DDX43: variants seen among roughly 807,000 people sequenced by gnomAD.
DDX43 encodes the protein DEAD-box helicase 43.
A neutral mutation model predicts 84.9 loss-of-function variants in DDX43; 50 were observed. The ratio of observed to expected loss-of-function variants is 0.59; its 90% CI spans 0.47 to 0.75. DDX43 has a LOEUF of 0.75. Ranked by LOEUF, DDX43 falls within the 30% of genes least tolerant of loss-of-function variation. The pLI, the probability that DDX43 is intolerant of heterozygous loss-of-function variation, is 0.00. For synonymous variants in DDX43, 291 were observed against 266.3 expected (o/e 1.09, Z -0.90); for missense variants, 689 against 798.6 (o/e 0.86, Z 1.65).
Position 73,412,066 on chromosome 6 carries a change from A to T in DDX43, c.1281-139A>T, listed in dbSNP as rs1769793538. On this transcript the variant is annotated intron_variant, in intron 10 of 16. Transcript: ENST00000370336. Reference sequence around the variant, plus strand: ...ACAGTAGTTGAGTAATTAGTGAATTAACTGTTAAATTTGCCTTACTTATTG... The same window carrying T: ...ACAGTAGTTGAGTAATTAGTGAATTTACTGTTAAATTTGCCTTACTTATTG... 7.3e-5 allele frequency: 47 copies of T among 641,148 alleles called. 1 individual carries two copies. The South Asian group carries it at 8.2e-4, about 11-fold the overall frequency. 39.7% of individuals were successfully genotyped at this position (641,148 alleles called of 1,614,324 possible). A position where few individuals can be genotyped will look rare whatever the true frequency, so the allele number is the denominator to read the frequency against.
At chr6:73,404,326 C>T (rs890798604) in intron 4 of DDX43, among the ~76,000 whole-genome samples, 17 of 152,166 alleles carry the variant, frequency 1.1e-4, no homozygotes, top group Non-Finnish European at 2.2e-4. Context: ...CTCCTGACCT[C>T]AGGTGATCCA....
intron 10 of DDX43, among the ~76,000 whole-genome samples, chr6:73,410,301 G>A (rs1027464007): frequency 1.3e-5 from 2 of 152,004 alleles, no homozygotes; most frequent in Admixed American, 6.6e-5. Context: ...TGAGTAGCTG[G>A]GACTACAGGC....
intron 10 of DDX43, among the ~76,000 whole-genome samples, chr6:73,410,982 CGA>C (rs2150798852): frequency 6.6e-6 from 1 of 151,908 alleles, no homozygotes; most frequent in African/African-American, 2.4e-5. Context: ...GTCAGGAGAT[CGA>C]GACCATCCTG....
intron 16 of DDX43, among the ~76,000 whole-genome samples, chr6:73,416,903 G>A (rs1490624175): frequency 1.3e-5 from 2 of 152,160 alleles, no homozygotes; most frequent in African/African-American, 4.8e-5. Flanking sequence ...GCCAGGCATG[G>A]TGGCGCCAAC....
chr6:73,414,409 T>C (rs955103938), intron 13 of DDX43, 139 bp from the exon 14 acceptor site: 3 of 811,096 alleles, frequency 3.7e-6, no homozygotes, highest in African/African-American at 1.7e-5. Flanking sequence ...CAGTTACTTT[T>C]CCATTTTCAC....
intron 11 of DDX43, among the ~76,000 whole-genome samples, chr6:73,412,709 A>G (rs1378624114): frequency 6.0e-5 from 6 of 100,462 alleles, no homozygotes; most frequent in Admixed American, 1.2e-4. Context: ...GTGCGCACGC[A>G]TGTGCAAGTG....
chr6:73,398,577 C>T (rs1769514910), intron 2 of DDX43, among the ~76,000 whole-genome samples: 1 of 152,060 alleles, frequency 6.6e-6, no homozygotes, highest in Admixed American at 6.6e-5. Context: ...TAGAGATAAT[C>T]TGCATAAGAA....
intron 1 of DDX43, 42 bp downstream of exon 1, chr6:73,395,197 AG>A: frequency 6.4e-7 from 1 of 1,557,856 alleles, no homozygotes. Flanking sequence ...AGGTGGGGCC[AG>A]GGGCGGAGCC....
intron 2 of DDX43, 53 bp downstream of exon 2, chr6:73,397,797 G>C: frequency 6.7e-7 from 1 of 1,497,960 alleles, no homozygotes; most frequent in South Asian, 1.1e-5. Flanking sequence ...ATTTCTAAGG[G>C]AGCACCTAAC....
At chr6:73,401,540 C>A (rs1449764475) in intron 3 of DDX43, among the ~76,000 whole-genome samples, 2 of 152,148 alleles carry the variant, frequency 1.3e-5, no homozygotes, top group Non-Finnish European at 2.9e-5. Flanking sequence ...TGGTGGCTCA[C>A]GCCTGTAATC....
chr6:73,395,617 TA>T (rs760280152), intron 1 of DDX43, among the ~76,000 whole-genome samples: 5,751 of 133,492 alleles, frequency 0.043, 264 homozygotes, highest in Admixed American at 0.15. Flanking sequence ...CCGTCTCAAT[TA>T]AAAAAAAAAA....
intron 16 of DDX43, 110 bp downstream of exon 16, chr6:73,416,361 C>T (rs311684): frequency 0.54 from 308,039 of 565,292 alleles, 85,067 homozygotes; most frequent in East Asian, 0.71. Context: ...ACATAATAAA[C>T]TAGGTGTTAC....
In DDX43 at chr6:73,414,020, C is replaced by A; in HGVS notation, c.1547C>A (p.Ser516Tyr). Residue 516 changes from serine (S) to tyrosine (Y), a missense_variant, in exon 13 of 17, where the codon TCT becomes TAT. Physicochemically the swap from Ser to Tyr is moderately radical, Grantham distance 144. Coordinates refer to ENST00000370336, the MANE Select transcript of DDX43 (RefSeq NM_018665.3). ...DLILGNISVE[S>Y]LHGDREQRDR... is the part of the protein sequence containing the mutation. ...ATACTTGGAAATATATCAGTAGAGT[C>A]TCTGCATGGAGATAGAGAACAGAGA... 6.2e-7 allele frequency: 1 copy of A among 1,612,352 alleles called. No homozygotes were observed. Among genetic ancestry groups the A allele is most frequent in the Non-Finnish European group, 8.5e-7 (1 of 1,178,488 alleles).
chr6:73,412,678 C>CACGT (rs1769820773), intron 11 of DDX43, among the ~76,000 whole-genome samples: 2 of 76,408 alleles, frequency 2.6e-5, no homozygotes, highest in Non-Finnish European at 6.0e-5. Context: ...TGCGCGCGCG[C>CACGT]GTGTGTGTGT....
chr6:73,408,597 C>G (rs1479986766), intron 9 of DDX43, among the ~76,000 whole-genome samples: 1 of 151,664 alleles, frequency 6.6e-6, no homozygotes, highest in African/African-American at 2.4e-5. Flanking sequence ...GCTCTTGTTG[C>G]CCAGGCTGGA....
chr6:73,415,636 G>A, intron 15 of DDX43, 52 bp downstream of exon 15: 2 of 1,297,382 alleles, frequency 1.5e-6, no homozygotes, highest in Non-Finnish European at 2.2e-6. Flanking sequence ...ATCTCAGTCA[G>A]TTATGCCGGG....
intron 1 of DDX43, among the ~76,000 whole-genome samples, chr6:73,396,720 C>T (rs1018358953): frequency 1.8e-4 from 28 of 152,178 alleles, no homozygotes; most frequent in Admixed American, 1.7e-3. Context: ...ACTCATTGAA[C>T]AGCTCCCCAT....
rs771247642 is a variant in DDX43 at position 73,395,100 on chromosome 6, C to G, written c.195C>G (p.His65Gln). Residue 65 changes from histidine (H) to glutamine (Q), a missense_variant, in exon 1 of 17, where the codon CAC (histidine) becomes CAG (glutamine). Physicochemically the swap from His to Gln is conservative, Grantham distance 24. Around this residue, in one of 2 missense-constraint regions of DDX43, gnomAD observed 137 missense variants for 105.9 expected, o/e 1.29. Coordinates refer to ENST00000370336, the MANE Select transcript of DDX43 (RefSeq NM_018665.3). The stretch of plus-strand genomic sequence containing the variant: ...CCCCGGAGGCCGTGGCCGCTGGTCA[C>G]GAGGAACTGCCGCTGTGTTTTGCTT... Reference protein sequence around the residue: ...SRPPEAVAAGHEELPLCFALK... With the variant: ...SRPPEAVAAGQEELPLCFALK... 4 of 1,614,122 alleles carry G rather than the reference C, an allele frequency of 2.5e-6. No individual in the cohort carries two copies. Among genetic ancestry groups the G allele is most frequent in the Non-Finnish European group, 2.5e-6 (3 of 1,179,982 alleles).
At chr6:73,395,709 C>G (rs1483840083) in intron 1 of DDX43, among the ~76,000 whole-genome samples, 1 of 151,646 alleles carries the variant, frequency 6.6e-6, no homozygotes, top group African/African-American at 2.4e-5. Flanking sequence ...CTTATGAAAT[C>G]TTAGGGCTGA....
Sources: allele counts gnomAD v4.1 joint callset (sites outside exome capture counted in the v4.1 genomes callset), GRCh38; gene constraint gnomAD v4.1.1; regional missense constraint gnomAD v4.1.1; transcripts MANE v1.5; gene names NCBI Gene and HGNC (gene_info 2026-07-23, HGNC 2026-07-21).